Variants in RAE1 observed in about 807,000 individuals in gnomAD.
RAE1 encodes the protein ribonucleic acid export 1, also known as mRNA export factor RAE1.
A neutral mutation model predicts 52.7 loss-of-function variants in RAE1; 13 were observed. The observed-to-expected ratio is 0.25, with a 90% confidence interval of 0.16 to 0.39. The LOEUF (loss-of-function observed/expected upper bound fraction) is 0.39, where lower values mean the gene tolerates loss of function less well. RAE1 is among the 10% of genes least tolerant of loss of function. RAE1 has a pLI of 1.00. For missense variants in RAE1, 262 were observed against 459.8 expected (o/e 0.57, Z 3.93); for synonymous variants, 164 against 153.1 (o/e 1.07, Z -0.52).
At chr20:57,357,843 C>G (rs2066815596) in intron 4 of RAE1, 1 of 152,066 alleles carries the variant, frequency 6.6e-6, no homozygotes, top group Admixed American at 6.5e-5. Context: ...TGGCTAGGGG[C>G]CATGATGATA....
intron 8 of RAE1, among the ~76,000 whole-genome samples, chr20:57,370,052 A>C (rs887395341): frequency 6.6e-6 from 1 of 152,142 alleles, no homozygotes; most frequent in Non-Finnish European, 1.5e-5. Context: ...CACTGACACT[A>C]GCTCAAGTCT....
In RAE1 at chr20:57,351,387, C is replaced by T; in HGVS notation, c.-43C>T. On this transcript the variant is annotated 5_prime_UTR_variant, in exon 1 of 12. Transcript: ENST00000395841. ...CGCAAACTCCTCAGACCCTTCTGCTCCCGGCCGCCGCTTTCCGCCGGGGCG... is the reference window on the plus strand; with the variant it reads ...CGCAAACTCCTCAGACCCTTCTGCTTCCGGCCGCCGCTTTCCGCCGGGGCG... The T allele has an allele frequency of 1.0e-6, 1 of 985,526 alleles. No individual in the cohort carries two copies. Among genetic ancestry groups the T allele is most frequent in the Non-Finnish European group, 1.2e-6 (1 of 829,998 alleles). 61.0% of individuals were successfully genotyped at this position (985,526 alleles called of 1,614,324 possible).
intron 4 of RAE1, among the ~76,000 whole-genome samples, chr20:57,356,764 G>A (rs1328667731): frequency 2.6e-5 from 4 of 152,214 alleles, no homozygotes; most frequent in African/African-American, 9.7e-5. Flanking sequence ...ATTGAGGAGA[G>A]TTTAATGATT....
At chr20:57,359,189 A>G (rs1385173164) in intron 4 of RAE1, 2 of 446,438 alleles carry the variant, frequency 4.5e-6, no homozygotes, top group Non-Finnish European at 7.6e-6. Flanking sequence ...GCGGGGTAAG[A>G]TTTGCTGAGT....
At chr20:57,351,595 G>A (rs1163364974) in intron 1 of RAE1, 173 bp downstream of exon 1, 1 of 985,442 alleles carries the variant, frequency 1.0e-6, no homozygotes, top group Non-Finnish European at 1.2e-6. Flanking sequence ...TGGCCTTAGG[G>A]GTCACCTAGG....
At chr20:57,365,105 A>G (rs2066936634) in intron 4 of RAE1, among the ~76,000 whole-genome samples, 1 of 152,170 alleles carries the variant, frequency 6.6e-6, no homozygotes, top group African/African-American at 2.4e-5. Context: ...GTTTGTTTTC[A>G]CTAGTTTGTG....
At chr20:57,356,179 A>T (rs761148889) in intron 3 of RAE1, among the ~76,000 whole-genome samples, 1 of 152,218 alleles carries the variant, frequency 6.6e-6, no homozygotes, top group Non-Finnish European at 1.5e-5. Context: ...GTGATATTCT[A>T]CTTTAAAAGA....
intron 11 of RAE1, among the ~76,000 whole-genome samples, chr20:57,377,632 C>T (rs531211136): frequency 6.6e-6 from 1 of 152,208 alleles, no homozygotes; most frequent in Non-Finnish European, 1.5e-5. Context: ...CCCCATGATA[C>T]CCCGCAGGTC....
At chr20:57,351,956 C>T in intron 1 of RAE1, 1 of 985,502 alleles carries the variant, frequency 1.0e-6, no homozygotes, top group Non-Finnish European at 1.2e-6. Context: ...CTGGGCCAGG[C>T]ATTGTACTGT....
chr20:57,371,756 A>G lies in RAE1; in HGVS notation c.643-1719A>G, dbSNP rs551772369. ...ATTTTGAAGAGAGACCTGTACTGCTAGTGTTCCTTGCAGCACTGTTCACAA... is the reference window on the plus strand; with the variant it reads ...ATTTTGAAGAGAGACCTGTACTGCTGGTGTTCCTTGCAGCACTGTTCACAA... On this transcript the variant is annotated intron_variant, in intron 8 of 11. Coordinates refer to ENST00000395841, the MANE Select transcript of RAE1 (RefSeq NM_003610.4). The G allele has an allele frequency of 4.6e-5, 7 of 152,376 alleles. No homozygotes were observed. The South Asian group carries it at 1.0e-3, about 23-fold the overall frequency. 9.4% of individuals were successfully genotyped at this position (152,376 alleles called of 1,614,324 possible). A position where few individuals can be genotyped will look rare whatever the true frequency, so the allele number is the denominator to read the frequency against.
chr20:57,374,709 ACTT>A lies in RAE1; in HGVS notation c.930_932del (p.Ser311del). 1 of 1,614,180 alleles carries A rather than the reference ACTT, an allele frequency of 6.2e-7. No homozygotes were observed. Among genetic ancestry groups the A allele is most frequent in the Non-Finnish European group, 8.5e-7 (1 of 1,180,030 alleles). ...CAAAGATGCCAGAACAAAACTAAAA[ACTT>A]CGGAACAGTTAGATCAGCCCATCTC... On this transcript the variant is annotated inframe_deletion, in exon 11 of 12. Coordinates refer to ENST00000395841, the MANE Select transcript of RAE1 (RefSeq NM_003610.4).
chr20:57,375,150 G>C (rs966561456), intron 11 of RAE1: 4 of 631,068 alleles, frequency 6.3e-6, no homozygotes, highest in Non-Finnish European at 1.1e-5. Context: ...TGGTTGCTTG[G>C]TTGGCTGGTG....
At chr20:57,352,191 G>T (rs951313588) in intron 1 of RAE1, among the ~76,000 whole-genome samples, 1 of 152,208 alleles carries the variant, frequency 6.6e-6, no homozygotes, top group Non-Finnish European at 1.5e-5. Context: ...TTCAACCATT[G>T]AAAGTGTATA....
At chr20:57,355,366 A>C (rs1012887716) in intron 3 of RAE1, among the ~76,000 whole-genome samples, 35 of 152,224 alleles carry the variant, frequency 2.3e-4, no homozygotes, top group Non-Finnish European at 4.1e-4. Context: ...TAATCAGATA[A>C]ATGCAAATTT....
In RAE1 at chr20:57,365,484, C is replaced by G. The variant is rs1180864931; in HGVS notation, c.375+42C>G. ...CAGAAAGGCTAGGCACAACTGGTAC[C>G]CAGGACTGTGATGGCTCTTTAAGTG... is the stretch of plus-strand genomic sequence containing the variant. On this transcript the variant is annotated intron_variant, in intron 5 of 11. Coordinates refer to ENST00000395841, the MANE Select transcript of RAE1 (RefSeq NM_003610.4). The G allele has an allele frequency of 2.2e-6, 3 of 1,389,774 alleles. No homozygotes were observed. The South Asian group carries it at 4.0e-5, about 19-fold the overall frequency. The allele number at this position is 1,389,774 out of a possible 1,614,324, so 86.1% of individuals were successfully genotyped here.
At position 57,378,026 on chromosome 20, in the gene RAE1, A is replaced by T. The variant is rs779651952; in HGVS notation, c.1034A>T (p.Tyr345Phe). 3.7e-6 allele frequency: 6 copies of T among 1,610,830 alleles called. No individual in the cohort carries two copies. Among genetic ancestry groups the T allele is most frequent in the Non-Finnish European group, 5.1e-6 (6 of 1,177,298 alleles). The change falls in exon 12 of 12, where the codon TAT becomes TTT. Residue 345 changes from tyrosine to phenylalanine, a missense_variant. Tyr to Phe is a conservative substitution (Grantham distance 22). Transcript: ENST00000395841. ...TGCTCTCTTTAGGGACATGAATTTTATAATCCCCAGAAAAAAAATTACATT... is the reference window on the plus strand; with the variant it reads ...TGCTCTCTTTAGGGACATGAATTTTTTAATCCCCAGAAAAAAAATTACATT... ...SYDWSKGHEF[Y>F]NPQKKNYIFL...
intron 1 of RAE1, 168 bp downstream of exon 1, chr20:57,351,590 T>C (rs1447595389): frequency 1.0e-6 from 1 of 985,438 alleles, no homozygotes; most frequent in African/African-American, 1.7e-5. Flanking sequence ...GGAAATGGCC[T>C]TAGGGGTCAC....
At chr20:57,351,676 G>A (rs977784258) in intron 1 of RAE1, 6 of 985,384 alleles carry the variant, frequency 6.1e-6, no homozygotes, top group Non-Finnish European at 7.2e-6. Flanking sequence ...AATGCAGTGT[G>A]TGTCGCCTCT....
rs1233835954 is a variant in RAE1 at position 57,378,640 on chromosome 20, C to T, written c.*541C>T. 3 of 152,384 alleles carry T rather than the reference C, an allele frequency of 2.0e-5. No homozygotes were observed. Among genetic ancestry groups the T allele is most frequent in the East Asian group, 1.9e-4 (1 of 5,194 alleles). The allele number at this position is 152,384 out of a possible 1,614,324, so 9.4% of individuals were successfully genotyped here. On this transcript the variant is annotated 3_prime_UTR_variant, in exon 12 of 12. Transcript: ENST00000395841. ...CTTCTGCTGCGCGGAACGGCAGCCT[C>T]TGTGAGCCCTGGTGGGCAGAGTTTG...
Sources: gnomAD v4.1 joint callset for allele counts (sites outside exome capture counted in the v4.1 genomes callset) on GRCh38, gnomAD v4.1.1 for gene constraint, MANE v1.5 for transcripts, NCBI Gene and HGNC (gene_info 2026-07-23, HGNC 2026-07-21) for gene names.